Variants in NTNG1 observed in about 807,000 individuals in gnomAD.
The protein encoded by NTNG1 is netrin G1, also known as netrin-G1.
NTNG1 carries 16 observed loss-of-function variants against 54.0 expected under a neutral mutation model. That is an observed-to-expected ratio of 0.30 (90% CI 0.20 to 0.45). The LOEUF (loss-of-function observed/expected upper bound fraction) is 0.45, where lower values mean the gene tolerates loss of function less well. Among genes scored for constraint, NTNG1 ranks in the 20% least tolerant of loss-of-function variants. The pLI, the probability that NTNG1 is intolerant of heterozygous loss-of-function variation, is 1.00. For synonymous variants in NTNG1, 255 were observed against 263.1 expected (o/e 0.97, Z 0.30); for missense variants, 530 against 678.7 (o/e 0.78, Z 2.43).
At chr1:107,262,061 C>A (rs534634636) in intron 2 of NTNG1, among the ~76,000 whole-genome samples, 1 of 152,064 alleles carries the variant, frequency 6.6e-6, no homozygotes, top group South Asian at 2.1e-4. Context: ...GAGCTAAGGC[C>A]CTTGGCAGTT....
At chr1:107,376,418 A>G (rs200998885) in intron 3 of NTNG1, among the ~76,000 whole-genome samples, 1 of 79,996 alleles carries the variant, frequency 1.3e-5, no homozygotes, top group African/African-American at 4.4e-5. Flanking sequence ...AAAACAAAAC[A>G]AAAAAAAAAA....
chr1:107,408,645 C>A (rs1673599830), intron 5 of NTNG1: 1 of 151,816 alleles, frequency 6.6e-6, no homozygotes, highest in Admixed American at 6.6e-5. Context: ...ATACATTGCA[C>A]CCTTTATCTC....
rs545505336 is a variant in NTNG1 at position 107,227,059 on chromosome 1, C to T, written c.246+78220C>T. ...CTTTACTCTATAAACCATAGTGGAT[C>T]GGAGTAGGGGTGGAGAATCATACTC... On this transcript the variant is annotated intron_variant, in intron 2 of 7. Transcript: ENST00000370068. Among the ~76,000 whole-genome samples, 23 of 152,208 alleles carry T rather than the reference C, an allele frequency of 1.5e-4. No individual in the cohort carries two copies. The East Asian group carries it at 1.7e-3, about 12-fold the overall frequency.
upstream of NTNG1, chr1:107,140,912 A>T (rs1393740432): frequency 6.5e-6 from 1 of 152,778 alleles, no homozygotes; most frequent in Non-Finnish European, 1.5e-5. Flanking sequence ...ACGACCTCCG[A>T]AGGCTGAGAT....
chr1:107,224,053 T>A (rs1660521706), intron 2 of NTNG1, among the ~76,000 whole-genome samples: 1 of 152,212 alleles, frequency 6.6e-6, no homozygotes, highest in South Asian at 2.1e-4. Context: ...GATCCCCTAA[T>A]GGACCAGTTA....
chr1:107,393,821 T>C (rs1672511602), intron 3 of NTNG1, among the ~76,000 whole-genome samples: 1 of 152,112 alleles, frequency 6.6e-6, no homozygotes, highest in Non-Finnish European at 1.5e-5. Context: ...TATACAGACA[T>C]TAGAGAAGCC....
At chr1:107,184,049 G>C (rs572135868) in intron 2 of NTNG1, among the ~76,000 whole-genome samples, 3 of 152,172 alleles carry the variant, frequency 2.0e-5, no homozygotes, top group Non-Finnish European at 4.4e-5. Flanking sequence ...TCTATCTACT[G>C]CCCACAACTG....
intron 3 of NTNG1, among the ~76,000 whole-genome samples, chr1:107,378,731 T>TCTTGACGGATTTAA (rs1360516175): frequency 6.6e-6 from 1 of 151,824 alleles, no homozygotes; most frequent in Non-Finnish European, 1.5e-5. Flanking sequence ...TAGCTGAGAG[T>TCTTGACGGATTTAA]GTCTTGACGG....
chr1:107,191,785 A>G (rs1476807633), intron 2 of NTNG1, among the ~76,000 whole-genome samples: 1 of 151,696 alleles, frequency 6.6e-6, no homozygotes, highest in East Asian at 1.9e-4. Flanking sequence ...CCATTGGTCT[A>G]TATCTCTGTT....
chr1:107,481,162 A>ATCCAATAGTCTTATGGTTAATATAAT lies in NTNG1; in HGVS notation c.*322_*323insTCCAATAGTCTTATGGTTAATATAAT. 1 of 370,510 alleles carries ATCCAATAGTCTTATGGTTAATATAAT rather than the reference A, an allele frequency of 2.7e-6. No individual in the cohort carries two copies. The highest frequency in any genetic ancestry group is 4.9e-6 in the Non-Finnish European group (1 of 202,868). The allele number at this position is 370,510 out of a possible 1,614,324, so 23.0% of individuals were successfully genotyped here. A position where few individuals can be genotyped will look rare whatever the true frequency, so the allele number is the denominator to read the frequency against. On this transcript the variant is annotated 3_prime_UTR_variant, in exon 8 of 8. Transcript: ENST00000370068. ...AGGAAAGACAAAAAACAAACAAATC[A>ATCCAATAGTCTTATGGTTAATATAAT]ACCGACCTAAAAACATTGGCTACTC...
intron 7 of NTNG1, among the ~76,000 whole-genome samples, chr1:107,468,365 C>T (rs1347691305): frequency 6.6e-6 from 1 of 152,080 alleles, no homozygotes; most frequent in African/African-American, 2.4e-5. Flanking sequence ...TAAAAAAACG[C>T]GTATTTGAAT....
intron 3 of NTNG1, among the ~76,000 whole-genome samples, chr1:107,386,149 GTA>G (rs1261491157): frequency 9.1e-5 from 9 of 98,736 alleles, no homozygotes; most frequent in Admixed American, 3.3e-4. Flanking sequence ...ATATATGTGT[GTA>G]TATATATATA....
At chr1:107,446,133 T>G (rs1441201447) in intron 7 of NTNG1, among the ~76,000 whole-genome samples, 3 of 152,124 alleles carry the variant, frequency 2.0e-5, no homozygotes, top group Non-Finnish European at 4.4e-5. Flanking sequence ...GTCCTCTGTC[T>G]TGACATGGGT....
intron 6 of NTNG1, among the ~76,000 whole-genome samples, chr1:107,435,971 C>T (rs1485980309): frequency 6.6e-6 from 1 of 152,072 alleles, no homozygotes; most frequent in Non-Finnish European, 1.5e-5. Flanking sequence ...TTTTATTGTG[C>T]AAAGCTGTAT....
chr1:107,367,422 G>T (rs1670664050), intron 3 of NTNG1, among the ~76,000 whole-genome samples: 1 of 152,072 alleles, frequency 6.6e-6, no homozygotes, highest in South Asian at 2.1e-4. Context: ...AATAATTCTG[G>T]AGTGAATTAT....
At chr1:107,265,857 G>A (rs1290378943) in intron 2 of NTNG1, among the ~76,000 whole-genome samples, 1 of 152,128 alleles carries the variant, frequency 6.6e-6, no homozygotes, top group Non-Finnish European at 1.5e-5. Flanking sequence ...GGTCTGGTTG[G>A]CCTCCTACCA....
chr1:107,418,829 G>A (rs115225087), intron 5 of NTNG1, among the ~76,000 whole-genome samples: 3,499 of 152,018 alleles, frequency 0.023, 139 homozygotes, highest in African/African-American at 0.08. Flanking sequence ...AGATGAAGGG[G>A]AAAATTAGAT....
intron 7 of NTNG1, among the ~76,000 whole-genome samples, chr1:107,453,444 C>A (rs528114714): frequency 1.5e-4 from 23 of 152,310 alleles, no homozygotes; most frequent in African/African-American, 5.5e-4. Flanking sequence ...CACTGGGGAT[C>A]TTTTCTTTCC....
chr1:107,392,015 G>A (rs1345701288), intron 3 of NTNG1, among the ~76,000 whole-genome samples: 1 of 152,158 alleles, frequency 6.6e-6, no homozygotes, highest in Non-Finnish European at 1.5e-5. Flanking sequence ...GTGGAAGATG[G>A]TACAATTTAC....
Sources: gnomAD v4.1 joint callset for allele counts (sites outside exome capture counted in the v4.1 genomes callset) on GRCh38, gnomAD v4.1.1 for gene constraint, MANE v1.5 for transcripts, NCBI Gene and HGNC (gene_info 2026-07-23, HGNC 2026-07-21) for gene names.